The following FKBP1A variants were observed in gnomAD, a reference collection of about 807,000 sequenced individuals.
FKBP1A encodes FKBP prolyl isomerase 1A.
FKBP1A carries 5 observed loss-of-function variants against 14.2 expected under a neutral mutation model. That is an observed-to-expected ratio of 0.35 (90% CI 0.18 to 0.74). FKBP1A has a LOEUF of 0.74. Among genes scored for constraint, FKBP1A ranks in the 30% least tolerant of loss-of-function variants. The probability of loss-of-function intolerance (pLI) is 0.56; values close to 1 mark genes in which losing one functional copy is unlikely to be tolerated. For missense variants in FKBP1A, 53 were observed against 138.8 expected, an observed-to-expected ratio of 0.38 and a Z score of 3.10; for synonymous variants, 42 against 49.1, an observed-to-expected ratio of 0.86 and a Z score of 0.60.
At chr20:1,387,235 C>A (rs935518474) in intron 2 of FKBP1A, among the ~76,000 whole-genome samples, 1 of 151,930 alleles carries the variant, frequency 6.6e-6, no homozygotes, top group African/African-American at 2.4e-5. Flanking sequence ...AAAAAAAGGT[C>A]ATGGACCCCA....
chr20:1,372,021 A>AT, intron 4 of FKBP1A, 55 bp downstream of exon 4: 1 of 1,571,768 alleles, frequency 6.4e-7, no homozygotes, highest in Non-Finnish European at 8.6e-7. Context: ...AACGCTGGGC[A>AT]TAACATGGGA....
In FKBP1A at chr20:1,379,880, C is replaced by CT. The variant is rs2089597423; in HGVS notation, c.86-4278dup. On this transcript the variant is annotated intron_variant, in intron 2 of 4. Coordinates refer to ENST00000400137, the MANE Select transcript of FKBP1A (RefSeq NM_000801.5). The surrounding 1 kb of genome is among the most constrained non-coding windows in gnomAD (Gnocchi z 4.3). ...TTCCCCAGTGGGGAGGAACAGGCCA[C>CT]TTATCTATGGCCCTAAGTTGTCAGC... 6.6e-6 allele frequency among the ~76,000 whole-genome samples: 1 copy of CT among 152,162 alleles called. No individual in the cohort carries two copies. Among genetic ancestry groups the CT allele is most frequent in the Non-Finnish European group, 1.5e-5 (1 of 68,022 alleles).
rs982252873 is a variant in FKBP1A at position 1,386,166 on chromosome 20, G to A, written c.85+6668C>T. On this transcript the variant is annotated intron_variant, in intron 2 of 4. Transcript: ENST00000400137. The surrounding 1 kb of genome is among the most constrained non-coding windows in gnomAD (Gnocchi z 4.7). Reference sequence around the variant, plus strand: ...TCCTCCTGGCCTGTGTATATACCTGGAAGACGCTTTCCTCCTGCCTGACTG... The same window carrying A: ...TCCTCCTGGCCTGTGTATATACCTGAAAGACGCTTTCCTCCTGCCTGACTG... 6.6e-6 allele frequency among the ~76,000 whole-genome samples: 1 copy of A among 152,146 alleles called. No individual in the cohort carries two copies. The highest frequency in any genetic ancestry group is 2.4e-5 in the African/African-American group (1 of 41,422).
chr20:1,382,414 C>T (rs555443925), intron 2 of FKBP1A, among the ~76,000 whole-genome samples: 8 of 152,270 alleles, frequency 5.3e-5, no homozygotes, highest in African/African-American at 1.4e-4. Context: ...CATTCCTGGC[C>T]GTACAAGCCT....
chr20:1,382,364 A>G (rs1283939820), intron 2 of FKBP1A, among the ~76,000 whole-genome samples: 2 of 152,184 alleles, frequency 1.3e-5, no homozygotes, highest in South Asian at 2.1e-4. Context: ...AGCATAAAAC[A>G]TCACAAGCAT....
intron 2 of FKBP1A, among the ~76,000 whole-genome samples, chr20:1,385,596 G>C (rs367626135): frequency 1.3e-5 from 2 of 151,788 alleles, no homozygotes; most frequent in Non-Finnish European, 2.9e-5. Flanking sequence ...ACTACCCCTC[G>C]GCTGAAAAAC....
chr20:1,377,497 G>A (rs1159512257), intron 2 of FKBP1A: 1 of 152,220 alleles, frequency 6.6e-6, no homozygotes, highest in Non-Finnish European at 1.5e-5. Flanking sequence ...TCGTTTACCA[G>A]AATGCAGTCA....
intron 4 of FKBP1A, chr20:1,370,999 G>C (rs2089456324): frequency 2.0e-6 from 2 of 985,314 alleles, no homozygotes; most frequent in South Asian, 4.7e-5. Flanking sequence ...CAAACAGAGA[G>C]TTTAAAAAGC....
At chr20:1,388,200 T>C (rs1398597788) in intron 2 of FKBP1A, among the ~76,000 whole-genome samples, 1 of 152,208 alleles carries the variant, frequency 6.6e-6, no homozygotes, top group African/African-American at 2.4e-5. Flanking sequence ...ATTCAGACAC[T>C]TAAAAGATTA....
At chr20:1,374,417 C>G (rs973772635) in intron 3 of FKBP1A, 1 of 152,186 alleles carries the variant, frequency 6.6e-6, no homozygotes, top group Non-Finnish European at 1.5e-5. Flanking sequence ...AGTGGTCTCA[C>G]ACAATATGGG....
intron 2 of FKBP1A, 25 bp from the exon 3 acceptor site, chr20:1,375,628 G>A (rs201629430): frequency 2.9e-5 from 43 of 1,484,958 alleles, no homozygotes; most frequent in Middle Eastern, 1.7e-4. Context: ...ACTGTAACAT[G>A]AGCAGCAGAG....
Position 1,386,450 on chromosome 20 carries a change from C to T in FKBP1A, c.85+6384G>A, listed in dbSNP as rs2089669889. ...CTGATGGGGAGACCTTGGAGAACAA[C>T]ACTAGTGTGGGTCTGGCCTCCTGGA... On this transcript the variant is annotated intron_variant, in intron 2 of 4. Coordinates refer to ENST00000400137, the MANE Select transcript of FKBP1A (RefSeq NM_000801.5). This position sits in a 1 kb window ranked among gnomAD's most constrained non-coding sequence, Gnocchi z 4.7. 6.6e-6 allele frequency among the ~76,000 whole-genome samples: 1 copy of T among 152,222 alleles called. No homozygotes were observed. The highest frequency in any genetic ancestry group is 1.5e-5 in the Non-Finnish European group (1 of 68,030).
intron 2 of FKBP1A, among the ~76,000 whole-genome samples, chr20:1,391,884 T>C (rs1158670455): frequency 1.3e-5 from 2 of 152,050 alleles, no homozygotes. Context: ...CTGCCACCCT[T>C]GTGGGACCCA....
At position 1,370,532 on chromosome 20, in the gene FKBP1A, C is replaced by T. The variant is rs2089449955; in HGVS notation, c.*37-460G>A. The stretch of plus-strand genomic sequence containing the variant: ...TTCCCAGGTGACTCTCATGTGCAGT[C>T]CAGACTGAGAATAAACTGGTCATTC... On this transcript the variant is annotated intron_variant, in intron 4 of 4. Coordinates refer to ENST00000400137, the MANE Select transcript of FKBP1A (RefSeq NM_000801.5). 6 of 984,884 alleles carry T rather than the reference C, an allele frequency of 6.1e-6. No individual in the cohort carries two copies. The South Asian group carries it at 1.4e-4, about 23-fold the overall frequency. 61.0% of individuals were successfully genotyped at this position (984,884 alleles called of 1,614,324 possible).
At position 1,369,104 on chromosome 20, in the gene FKBP1A, A is replaced by G; in HGVS notation, c.*1005T>C. 6.0e-6 allele frequency: 1 copy of G among 167,262 alleles called. No homozygotes were observed. 10.4% of individuals were successfully genotyped at this position (167,262 alleles called of 1,614,324 possible). A position where few individuals can be genotyped will look rare whatever the true frequency, so the allele number is the denominator to read the frequency against. ...TACACAGGACAGCAAAGGGGTGAGA[A>G]GGGGCTGAGGGAGGAAAAGCCAGGA... On this transcript the variant is annotated 3_prime_UTR_variant, in exon 5 of 5. Transcript: ENST00000400137.
chr20:1,377,083 A>G (rs1306317354), intron 2 of FKBP1A: 1 of 152,150 alleles, frequency 6.6e-6, no homozygotes, highest in East Asian at 1.9e-4. Flanking sequence ...GTGGGCACTC[A>G]CCATGGTTCT....
chr20:1,378,501 C>G (rs2089578335), intron 2 of FKBP1A: 1 of 152,012 alleles, frequency 6.6e-6, no homozygotes. Flanking sequence ...TGTACACCAC[C>G]AAGAGTGAAC....
intron 4 of FKBP1A, 149 bp from the exon 5 acceptor site, chr20:1,370,221 A>G: frequency 7.1e-7 from 1 of 1,411,688 alleles, no homozygotes; most frequent in Non-Finnish European, 9.2e-7. Flanking sequence ...AGCTGGAGAC[A>G]GCCAGAAAGA....
At chr20:1,384,122 A>G (rs1461522190) in intron 2 of FKBP1A, among the ~76,000 whole-genome samples, 1 of 152,164 alleles carries the variant, frequency 6.6e-6, no homozygotes, top group East Asian at 1.9e-4. Flanking sequence ...GCTCATGATC[A>G]CTTCTTCATT....
Sources: allele counts gnomAD v4.1 joint callset (sites outside exome capture counted in the v4.1 genomes callset), GRCh38; gene constraint gnomAD v4.1.1; non-coding constraint Gnocchi (gnomAD v3.1); transcripts MANE v1.5; gene names NCBI Gene and HGNC (gene_info 2026-07-23, HGNC 2026-07-21).